The following KCNJ3 variants were observed in gnomAD, a reference collection of about 807,000 sequenced individuals.
KCNJ3 encodes G protein-activated inward rectifier potassium channel 1.
KCNJ3 carries 4 observed loss-of-function variants against 39.2 expected under a neutral mutation model. The observed-to-expected ratio is 0.10, with a 90% CI of 0.05 to 0.23. KCNJ3 has a LOEUF of 0.23. Ranked by LOEUF, KCNJ3 falls within the 10% of genes least tolerant of loss-of-function variation. The pLI, the probability that KCNJ3 is intolerant of heterozygous loss-of-function variation, is 1.00. For synonymous variants in KCNJ3, 230 were observed against 237.4 expected, an observed-to-expected ratio of 0.97 and a Z score of 0.29; for missense variants, 276 against 634.9, an observed-to-expected ratio of 0.43 and a Z score of 6.08.
intron 2 of KCNJ3, among the ~76,000 whole-genome samples, chr2:154,835,515 A>G (rs1314675967): frequency 7.3e-6 from 1 of 136,984 alleles, no homozygotes; most frequent in African/African-American, 2.8e-5. Flanking sequence ...CAAAATATAT[A>G]TATATGAATA....
chr2:154,783,783 A>G (rs544313715), intron 2 of KCNJ3, among the ~76,000 whole-genome samples: 4 of 152,288 alleles, frequency 2.6e-5, no homozygotes, highest in East Asian at 3.9e-4. Context: ...TTCTCTATAT[A>G]AGAAACTCAA....
In KCNJ3 at chr2:154,783,651, A is replaced by C. The variant is rs1344204617; in HGVS notation, c.920-71076A>C. Reference sequence around the variant, plus strand: ...CAAGCATTCCCATTTTATGGAAGAGAAACCAAGGCACAAAGAGGTGAAATA... The same window carrying C: ...CAAGCATTCCCATTTTATGGAAGAGCAACCAAGGCACAAAGAGGTGAAATA... On this transcript the variant is annotated intron_variant, in intron 2 of 2. Coordinates refer to ENST00000295101, the MANE Select transcript of KCNJ3 (RefSeq NM_002239.4). Among the ~76,000 whole-genome samples, 5 of 152,198 alleles carry C rather than the reference A, an allele frequency of 3.3e-5. No individual in the cohort carries two copies. In the East Asian group the frequency reaches 9.6e-4, roughly 29 times the overall value.
chr2:154,800,764 C>T (rs1261115073), intron 2 of KCNJ3, among the ~76,000 whole-genome samples: 2 of 152,082 alleles, frequency 1.3e-5, no homozygotes, highest in Non-Finnish European at 2.9e-5. Context: ...ATTTTAAATC[C>T]CATTTAAACA....
chr2:154,828,800 C>T (rs890387984), intron 2 of KCNJ3, among the ~76,000 whole-genome samples: 4 of 152,026 alleles, frequency 2.6e-5, no homozygotes, highest in African/African-American at 9.7e-5. Flanking sequence ...AACTTTTGCT[C>T]TATATTGCTA....
chr2:154,711,557 G>A (rs868806616), intron 2 of KCNJ3, among the ~76,000 whole-genome samples: 7 of 151,988 alleles, frequency 4.6e-5, no homozygotes, highest in Non-Finnish European at 7.4e-5. Flanking sequence ...GAGTGAATGC[G>A]TTTTTCTATA....
chr2:154,831,120 T>A (rs1409803581), intron 2 of KCNJ3, among the ~76,000 whole-genome samples: 4 of 152,158 alleles, frequency 2.6e-5, no homozygotes, highest in Admixed American at 6.6e-5. Flanking sequence ...TCATCAGATA[T>A]TTTCTCCAAT....
chr2:154,767,980 GTCT>G (rs770011875), intron 2 of KCNJ3, among the ~76,000 whole-genome samples: 4 of 152,310 alleles, frequency 2.6e-5, no homozygotes, highest in Admixed American at 2.0e-4. Context: ...CTGCATAAAT[GTCT>G]TCTTTTGAGA....
At position 154,805,137 on chromosome 2, in the gene KCNJ3, T is replaced by C. The variant is rs1160556319; in HGVS notation, c.920-49590T>C. Among the ~76,000 whole-genome samples, 4 of 152,122 alleles carry C rather than the reference T, an allele frequency of 2.6e-5. No individual in the cohort carries two copies. In the East Asian group the frequency reaches 7.7e-4, roughly 29 times the overall value. On this transcript the variant is annotated intron_variant, in intron 2 of 2. Coordinates refer to ENST00000295101, the MANE Select transcript of KCNJ3 (RefSeq NM_002239.4). ...TGAAAAGTTGCAATCTATAAGTTTG[T>C]GTTCAAAAGAGGTGAATTTAATAAC...
At chr2:154,848,191 T>A (rs1354583265) in intron 2 of KCNJ3, among the ~76,000 whole-genome samples, 1 of 152,148 alleles carries the variant, frequency 6.6e-6, no homozygotes, top group Non-Finnish European at 1.5e-5. Context: ...AAGGAAGTCA[T>A]TAGATAGTAA....
intron 2 of KCNJ3, among the ~76,000 whole-genome samples, chr2:154,786,222 A>T (rs1273045822): frequency 6.6e-6 from 1 of 152,230 alleles, no homozygotes; most frequent in East Asian, 1.9e-4. Flanking sequence ...AATAGCCACC[A>T]GTTAGAAGAA....
chr2:154,767,508 C>T (rs535456963), intron 2 of KCNJ3, among the ~76,000 whole-genome samples: 6 of 152,260 alleles, frequency 3.9e-5, no homozygotes, highest in Non-Finnish European at 7.4e-5. Flanking sequence ...CTACAAAGGA[C>T]GTGAACTCAT....
intron 2 of KCNJ3, among the ~76,000 whole-genome samples, chr2:154,825,813 C>T (rs796413383): frequency 4.7e-5 from 7 of 150,350 alleles, no homozygotes; most frequent in African/African-American, 7.3e-5. Context: ...TATGGGGCTT[C>T]GGTGATCCTC....
chr2:154,733,949 G>A (rs1416531171), intron 2 of KCNJ3, among the ~76,000 whole-genome samples: 1 of 152,092 alleles, frequency 6.6e-6, no homozygotes, highest in African/African-American at 2.4e-5. Context: ...GACCTCAGGA[G>A]CATCCAAGAT....
chr2:154,812,957 G>C (rs951373154), intron 2 of KCNJ3, among the ~76,000 whole-genome samples: 1 of 152,188 alleles, frequency 6.6e-6, no homozygotes, highest in African/African-American at 2.4e-5. Context: ...ATATATGTTA[G>C]TGTTTTACAT....
intron 2 of KCNJ3, among the ~76,000 whole-genome samples, chr2:154,799,297 G>T (rs1686771388): frequency 6.6e-6 from 1 of 152,000 alleles, no homozygotes; most frequent in African/African-American, 2.4e-5. Flanking sequence ...GCGCCACCAC[G>T]CCCAGCTAAT....
At chr2:154,724,464 C>T (rs1272441756) in intron 2 of KCNJ3, among the ~76,000 whole-genome samples, 1 of 151,968 alleles carries the variant, frequency 6.6e-6, no homozygotes, top group African/African-American at 2.4e-5. Flanking sequence ...ATAGATAAAT[C>T]AACTTTTCGT....
At chr2:154,716,281 T>A (rs1685178925) in intron 2 of KCNJ3, among the ~76,000 whole-genome samples, 1 of 85,168 alleles carries the variant, frequency 1.2e-5, no homozygotes, top group Non-Finnish European at 3.0e-5. Context: ...GGCTAATTTT[T>A]TTTTTTTTTT....
At chr2:154,773,860 AGAAT>A (rs1341079614) in intron 2 of KCNJ3, among the ~76,000 whole-genome samples, 3 of 152,162 alleles carry the variant, frequency 2.0e-5, no homozygotes, top group African/African-American at 7.2e-5. Flanking sequence ...ACTTTGTCAG[AGAAT>A]GACTTTTTCT....
intron 2 of KCNJ3, among the ~76,000 whole-genome samples, chr2:154,761,093 A>C (rs1558867125): frequency 7.2e-6 from 1 of 138,548 alleles, no homozygotes; most frequent in African/African-American, 2.7e-5. Flanking sequence ...TAGAGACAGG[A>C]TCTCACTATG....
Sources: allele counts gnomAD v4.1 joint callset (sites outside exome capture counted in the v4.1 genomes callset), GRCh38; gene constraint gnomAD v4.1.1; transcripts MANE v1.5; gene names NCBI Gene and HGNC (gene_info 2026-07-23, HGNC 2026-07-21).